The following HDAC4 variants were observed in gnomAD, a reference collection of about 807,000 sequenced individuals.
HDAC4 encodes histone deacetylase 4, also known as histone deacetylase A.
A neutral mutation model predicts 135.1 loss-of-function variants in HDAC4; 16 were observed. The observed-to-expected ratio is 0.12, with a 90% confidence interval of 0.08 to 0.18. HDAC4 has a LOEUF of 0.18. HDAC4 is among the 10% of genes least tolerant of loss of function. HDAC4 has a pLI of 1.00. For missense variants in HDAC4, 1,143 were observed against 1,511.8 expected, an observed-to-expected ratio of 0.76 and a Z score of 4.05; for synonymous variants, 685 against 653.4, an observed-to-expected ratio of 1.05 and a Z score of -0.74.
chr2:239,384,067 GAA>G (rs1158011044), intron 1 of HDAC4, among the ~76,000 whole-genome samples: 3 of 152,240 alleles, frequency 2.0e-5, no homozygotes, highest in Non-Finnish European at 4.4e-5. Context: ...CACAGACAGA[GAA>G]GCAGCTCGTG....
chr2:239,180,569 T>C (rs2044082979), intron 4 of HDAC4, among the ~76,000 whole-genome samples: 1 of 152,210 alleles, frequency 6.6e-6, no homozygotes, highest in Non-Finnish European at 1.5e-5. Context: ...CTGTGTAATT[T>C]TGTAAGGTAA....
At chr2:239,401,297 G>C (rs904868774), upstream of HDAC4, 2 of 152,490 alleles carry the variant, frequency 1.3e-5, no homozygotes, top group African/African-American at 2.4e-5. Context: ...CGCGGGGCCG[G>C]ATGCCCTATG....
intron 7 of HDAC4, among the ~76,000 whole-genome samples, chr2:239,145,346 T>C (rs2041684909): frequency 1.3e-5 from 2 of 152,058 alleles, no homozygotes; most frequent in South Asian, 4.2e-4. Flanking sequence ...GGCTTCACCT[T>C]TCATCTGACC....
At chr2:239,255,722 C>G (rs2049016498) in intron 2 of HDAC4, among the ~76,000 whole-genome samples, 1 of 152,114 alleles carries the variant, frequency 6.6e-6, no homozygotes, top group Non-Finnish European at 1.5e-5. Context: ...AAGTTCAGTA[C>G]CACTAAAAGC....
chr2:239,090,709 C>T (rs951082122), intron 17 of HDAC4, among the ~76,000 whole-genome samples: 2 of 151,536 alleles, frequency 1.3e-5, no homozygotes, highest in African/African-American at 4.8e-5. Flanking sequence ...GAAATGCACT[C>T]TGGAGCATTC....
At position 239,115,294 on chromosome 2, in the gene HDAC4, C is replaced by T; in HGVS notation, c.1550G>A (p.Ser517Asn). Reference sequence around the variant, plus strand: ...GCTCTCCGGCTGCCGGGCTGGCTCGCTTGGCTTGGGGATGATCTGCAAGGC... The same window carrying T: ...GCTCTCCGGCTGCCGGGCTGGCTCGTTTGGCTTGGGGATGATCTGCAAGGC... ...LQMNKIIPKP[S>N]EPARQPESHP... The change falls in exon 13 of 27, where the codon AGC becomes AAC. Residue 517 changes from serine to asparagine, a missense_variant. Around this residue, in one of 9 missense-constraint regions of HDAC4, gnomAD observed 196 missense variants for 210.7 expected, o/e 0.93. Transcript: ENST00000543185. The surrounding 1 kb of genome is among the most constrained non-coding windows in gnomAD (Gnocchi z 6.3). 1 of 1,613,278 alleles carries T rather than the reference C, an allele frequency of 6.2e-7. No homozygotes were observed. The highest frequency in any genetic ancestry group is 8.5e-7 in the Non-Finnish European group (1 of 1,179,986).
At chr2:239,297,903 C>A (rs146754669) in intron 2 of HDAC4, among the ~76,000 whole-genome samples, 1 of 152,152 alleles carries the variant, frequency 6.6e-6, no homozygotes, top group Admixed American at 6.5e-5. Flanking sequence ...AGAATTCAAG[C>A]GGCAACATGT....
intron 5 of HDAC4, among the ~76,000 whole-genome samples, chr2:239,170,955 C>G (rs2043413727): frequency 6.6e-6 from 1 of 152,138 alleles, no homozygotes; most frequent in African/African-American, 2.4e-5. Flanking sequence ...ATCCACCAGG[C>G]CTTTGAAGGC....
intron 3 of HDAC4, among the ~76,000 whole-genome samples, chr2:239,223,463 C>T (rs1157115160): frequency 6.6e-6 from 1 of 152,192 alleles, no homozygotes; most frequent in Non-Finnish European, 1.5e-5. Flanking sequence ...ATGCAGAAGG[C>T]AGGGGGCTGG....
intron 1 of HDAC4, among the ~76,000 whole-genome samples, chr2:239,395,818 A>C (rs2126125281): frequency 6.6e-6 from 1 of 150,980 alleles, no homozygotes; most frequent in African/African-American, 2.4e-5. Flanking sequence ...ACCTCCACAC[A>C]CGTCTGGATA....
intron 1 of HDAC4, among the ~76,000 whole-genome samples, chr2:239,357,943 C>A (rs975760654): frequency 1.2e-4 from 16 of 138,858 alleles, no homozygotes; most frequent in African/African-American, 4.1e-4. Context: ...CTACAGATTG[C>A]ACAAATATTA....
chr2:239,062,535 G>A (rs1022558283), intron 24 of HDAC4, among the ~76,000 whole-genome samples: 1 of 152,218 alleles, frequency 6.6e-6, no homozygotes, highest in Admixed American at 6.5e-5. Flanking sequence ...TGTTAGAAGC[G>A]CAAACACGCA....
chr2:239,302,001 G>A (rs976846891), intron 2 of HDAC4, among the ~76,000 whole-genome samples: 6 of 152,056 alleles, frequency 3.9e-5, no homozygotes, highest in Non-Finnish European at 8.8e-5. Context: ...AAAAAAAACA[G>A]GCAGGGGGTG....
chr2:239,159,866 G>T (rs1005741624), intron 6 of HDAC4, among the ~76,000 whole-genome samples: 1 of 152,248 alleles, frequency 6.6e-6, no homozygotes, highest in Non-Finnish European at 1.5e-5. Context: ...CAGGAGCCGA[G>T]GTGCAGCCCC....
At chr2:239,069,752 T>A (rs2033964081) in intron 22 of HDAC4, among the ~76,000 whole-genome samples, 1 of 126,558 alleles carries the variant, frequency 7.9e-6, no homozygotes, top group African/African-American at 3.1e-5. Flanking sequence ...TGAGAGGGAG[T>A]CACAGTGCAA....
At chr2:239,100,588 C>G (rs1331455836) in intron 16 of HDAC4, among the ~76,000 whole-genome samples, 1 of 152,152 alleles carries the variant, frequency 6.6e-6, no homozygotes, top group African/African-American at 2.4e-5. Flanking sequence ...GCCCTGGGTC[C>G]TCCTTGGTTG....
intron 3 of HDAC4, among the ~76,000 whole-genome samples, chr2:239,201,132 A>C (rs1181571623): frequency 6.6e-6 from 1 of 152,226 alleles, no homozygotes; most frequent in East Asian, 1.9e-4. Flanking sequence ...AGACAGTTTT[A>C]AGTGACTTGC....
At chr2:239,327,091 A>T (rs573723060) in intron 2 of HDAC4, among the ~76,000 whole-genome samples, 1 of 152,374 alleles carries the variant, frequency 6.6e-6, no homozygotes, top group South Asian at 2.1e-4. Context: ...TTCGCTGAAC[A>T]AATGTTTCAG....
intron 3 of HDAC4, among the ~76,000 whole-genome samples, chr2:239,208,486 A>G (rs558878716): frequency 6.6e-6 from 1 of 152,320 alleles, no homozygotes; most frequent in East Asian, 1.9e-4. Flanking sequence ...AGCAAACTAG[A>G]AATAAAAGAG....
Sources: gnomAD v4.1 joint callset for allele counts (sites outside exome capture counted in the v4.1 genomes callset) on GRCh38, gnomAD v4.1.1 for gene constraint, gnomAD v4.1.1 regional missense constraint, Gnocchi (gnomAD v3.1) non-coding constraint, MANE v1.5 for transcripts, NCBI Gene and HGNC (gene_info 2026-07-23, HGNC 2026-07-21) for gene names.